Variants in EDEM2 observed in about 807,000 individuals in gnomAD.
EDEM2 encodes ER degradation enhancing alpha-mannosidase like protein 2, also known as ER degradation-enhancing alpha-mannosidase-like protein 2.
EDEM2 carries 39 observed loss-of-function variants against 64.8 expected under a neutral mutation model. That is an observed-to-expected ratio of 0.60 (90% CI 0.47 to 0.79). EDEM2 has a LOEUF of 0.79. EDEM2 is among the 30% of genes least tolerant of loss of function. The probability of loss-of-function intolerance (pLI) is 0.00; values close to 1 mark genes in which losing one functional copy is unlikely to be tolerated. For synonymous variants in EDEM2, 296 were observed against 291.5 expected, an observed-to-expected ratio of 1.02 and a Z score of -0.16; for missense variants, 609 against 731.3, an observed-to-expected ratio of 0.83 and a Z score of 1.93.
rs541164935 is a variant in EDEM2, at chr20:35,116,430, C to T, written c.1237-497G>A. 2.0e-5 allele frequency among the ~76,000 whole-genome samples: 3 copies of T among 152,332 alleles called. No individual in the cohort carries two copies. In the East Asian group the frequency reaches 5.8e-4, roughly 29 times the overall value. ...CTGGCCCCTGCTCCCTTCCTGCCCT[C>T]ACCTCTTACCACTCTAAGAGCTCCA... On this transcript the variant is annotated intron_variant, in intron 10 of 10. Transcript: ENST00000374492.
At chr20:35,142,252 A>G (rs905962486) in intron 4 of EDEM2, 121 bp downstream of exon 4, 1 of 728,762 alleles carries the variant, frequency 1.4e-6, no homozygotes, top group African/African-American at 1.8e-5. Flanking sequence ...TCTGTCGGTC[A>G]GAGGTTTTGG....
chr20:35,144,397 A>G (rs754865756), intron 3 of EDEM2, among the ~76,000 whole-genome samples: 11 of 150,974 alleles, frequency 7.3e-5, no homozygotes, highest in Non-Finnish European at 1.3e-4. Flanking sequence ...GCAATGGTGC[A>G]ATCTCGGCTC....
At chr20:35,147,091 G>A (rs1016243249) in intron 1 of EDEM2, 61 bp downstream of exon 1, 10 of 1,565,364 alleles carry the variant, frequency 6.4e-6, no homozygotes, top group African/African-American at 2.7e-5. Flanking sequence ...TGGACGGAAA[G>A]GGAAAGGACC....
At chr20:35,137,858 C>A in intron 5 of EDEM2, 22 bp downstream of exon 5, 1 of 1,612,222 alleles carries the variant, frequency 6.2e-7, no homozygotes, top group Non-Finnish European at 8.5e-7. Flanking sequence ...TCGTCTCTGC[C>A]CCATCTCTGT....
intron 10 of EDEM2, among the ~76,000 whole-genome samples, chr20:35,118,137 A>G (rs1485307035): frequency 1.3e-5 from 2 of 152,212 alleles, no homozygotes; most frequent in East Asian, 3.9e-4. Flanking sequence ...CCTTGGGCCT[A>G]GCAGAGTGCC....
Position 35,123,954 on chromosome 20 carries a change from C to T in EDEM2, c.1050G>A (p.Pro350=), listed in dbSNP as rs116240973. The part of the protein sequence containing the change: ...YTVWKQFGGL[P]EFYNIPQGYT... ...ATCCCTGAGGAATGTTGTAGAATTC[C>T]GGGAGCCCCCCAAACTGCTTCCATA... The change falls in exon 9 of 11, where the codon CCG becomes CCA. Residue 350 remains proline (P), a synonymous_variant. Transcript: ENST00000374492. 395 of 1,614,166 alleles carry T rather than the reference C, an allele frequency of 2.4e-4. 3 individuals are homozygous for T. The African/African-American group carries it at 4.4e-3, about 18-fold the overall frequency.
chr20:35,115,482 A>C lies in EDEM2; in HGVS notation c.1688T>G (p.Phe563Cys). The change falls in exon 11 of 11, where the codon TTC (phenylalanine) becomes TGC (cysteine). Residue 563 changes from phenylalanine (F) to cysteine (C), a missense_variant. By Grantham distance (205) the Phe-to-Cys change is radical. Transcript: ENST00000374492. ...VPLLSCPSQP[F>C]TSKLALLGQV... ...TCCCAGTAATGCCAACTTGGAGGTG[A>C]AGGGCTGACTGGGGCAGCTGAGAAG... 1 of 1,614,008 alleles carries C rather than the reference A, an allele frequency of 6.2e-7. No individual in the cohort carries two copies. The highest frequency in any genetic ancestry group is 1.1e-5 in the South Asian group (1 of 91,090).
At chr20:35,135,957 T>C (rs2085570308) in intron 5 of EDEM2, among the ~76,000 whole-genome samples, 1 of 152,200 alleles carries the variant, frequency 6.6e-6, no homozygotes, top group South Asian at 2.1e-4. Context: ...AAGTGCCTTC[T>C]GGTTCAAGAC....
At chr20:35,123,741 A>G (rs2085396685) in intron 9 of EDEM2, 149 bp downstream of exon 9, 1 of 980,950 alleles carries the variant, frequency 1.0e-6, no homozygotes, top group Non-Finnish European at 1.4e-6. Context: ...ATTAACTCCT[A>G]GTAAGAAAAC....
chr20:35,130,260 AG>A (rs2085490374), intron 7 of EDEM2, among the ~76,000 whole-genome samples: 1 of 151,880 alleles, frequency 6.6e-6, no homozygotes, highest in Non-Finnish European at 1.5e-5. Flanking sequence ...TGTAGAGACG[AG>A]GTCTCACCAT....
In EDEM2 at chr20:35,115,715, C is replaced by G; in HGVS notation, c.1455G>C (p.Leu485=). 6.2e-7 allele frequency: 1 copy of G among 1,614,236 alleles called. No individual in the cohort carries two copies. Residue 485 remains leucine (L), a synonymous_variant, in exon 11 of 11, where the codon CTG becomes CTC. Coordinates refer to ENST00000374492, the MANE Select transcript of EDEM2 (RefSeq NM_018217.3). ...TEAHPIDPAA[L]HCCQRLKEEQ... ...CTTCCTTCAGCCTCTGGCAGCAGTG[C>G]AGGGCGGCAGGGTCGATGGGGTGAG...
intron 10 of EDEM2, 139 bp downstream of exon 10, chr20:35,118,459 T>C (rs1251992428): frequency 1.5e-6 from 2 of 1,324,094 alleles, no homozygotes; most frequent in Non-Finnish European, 1.0e-6. Context: ...TCCCCATCTG[T>C]AAAATATGAG....
intron 7 of EDEM2, among the ~76,000 whole-genome samples, chr20:35,127,031 T>C (rs574623798): frequency 2.0e-5 from 3 of 152,186 alleles, no homozygotes; most frequent in African/African-American, 2.4e-5. Flanking sequence ...TGGGAGATAA[T>C]TGAATCATGG....
At chr20:35,128,032 A>G (rs550232807) in intron 7 of EDEM2, among the ~76,000 whole-genome samples, 20 of 152,346 alleles carry the variant, frequency 1.3e-4, no homozygotes, top group African/African-American at 4.3e-4. Flanking sequence ...TTAATAAACA[A>G]CCATTTACGC....
At chr20:35,124,673 T>A (rs2085409613) in intron 8 of EDEM2, among the ~76,000 whole-genome samples, 1 of 152,200 alleles carries the variant, frequency 6.6e-6, no homozygotes. Flanking sequence ...TGGCCTCAGA[T>A]AAACATTACT....
At chr20:35,135,182 G>C (rs779669959) in intron 5 of EDEM2, among the ~76,000 whole-genome samples, 2 of 152,172 alleles carry the variant, frequency 1.3e-5, no homozygotes, top group Non-Finnish European at 2.9e-5. Context: ...TCATCATGAG[G>C]GGGCAGGGAG....
Position 35,123,999 on chromosome 20 carries a change from G to A in EDEM2, c.1005C>T (p.Thr335=). 1 of 1,613,906 alleles carries A rather than the reference G, an allele frequency of 6.2e-7. No individual in the cohort carries two copies. The highest frequency in any genetic ancestry group is 8.5e-7 in the Non-Finnish European group (1 of 1,179,820). Reference sequence around the variant, plus strand: ...TCCATACAGTGTAGTAGTTGAGGAAGGTCCTCATGGCATTGTCAATGTCTC... The same window carrying A: ...TCCATACAGTGTAGTAGTTGAGGAAAGTCCTCATGGCATTGTCAATGTCTC... ...LIGDIDNAMR[T]FLNYYTVWKQ... Residue 335 remains threonine (T), a synonymous_variant, in exon 9 of 11, where the codon ACC becomes ACT. Coordinates refer to ENST00000374492, the MANE Select transcript of EDEM2 (RefSeq NM_018217.3).
intron 4 of EDEM2, among the ~76,000 whole-genome samples, chr20:35,139,377 G>T (rs1160750245): frequency 6.7e-6 from 1 of 148,326 alleles, no homozygotes; most frequent in African/African-American, 2.5e-5. Flanking sequence ...GTCTGGGCAC[G>T]GTGGCTCATG....
Position 35,124,051 on chromosome 20 carries a change from C to T in EDEM2, c.970-17G>A, listed in dbSNP as rs1569175961. On this transcript the variant is annotated splice_polypyrimidine_tract_variant and intron_variant, in intron 8 of 10. Transcript: ENST00000374492. ...AATGAGGCTCTGTGGGAGAAAGTGG[C>T]TGTCAGGCAGGTAGACACCAGGCAT... The T allele has an allele frequency of 6.2e-7, 1 of 1,608,114 alleles. No homozygotes were observed. The highest frequency in any genetic ancestry group is 1.1e-5 in the South Asian group (1 of 90,848).
Sources: gnomAD v4.1 joint callset for allele counts (sites outside exome capture counted in the v4.1 genomes callset) on GRCh38, gnomAD v4.1.1 for gene constraint, MANE v1.5 for transcripts, NCBI Gene and HGNC (gene_info 2026-07-23, HGNC 2026-07-21) for gene names.